The following PRDM5 variants were observed in gnomAD, a reference collection of about 807,000 sequenced individuals.
PRDM5 encodes the protein PR domain zinc finger protein 5.
PRDM5 carries 56 observed loss-of-function variants against 81.2 expected under a neutral mutation model. That is an observed-to-expected ratio of 0.69 (90% CI 0.56 to 0.86). The LOEUF is 0.86. Among genes scored for constraint, PRDM5 ranks in the 40% least tolerant of loss-of-function variants. PRDM5 has a pLI of 0.00. For missense variants in PRDM5, 697 were observed against 770.1 expected (o/e 0.91, Z 1.12); for synonymous variants, 267 against 256.4 (o/e 1.04, Z -0.39).
chr4:120,886,039 A>G (rs1382488667), intron 2 of PRDM5, among the ~76,000 whole-genome samples: 3 of 152,196 alleles, frequency 2.0e-5, no homozygotes, highest in Non-Finnish European at 4.4e-5. Context: ...AAAACACAGA[A>G]CTTCCAGAAG....
At chr4:120,835,552 G>T (rs1030520603) in intron 3 of PRDM5, among the ~76,000 whole-genome samples, 1 of 152,142 alleles carries the variant, frequency 6.6e-6, no homozygotes, top group African/African-American at 2.4e-5. Flanking sequence ...AGTCTTACAA[G>T]ATTTGATGGT....
chr4:120,802,172 A>G (rs994949565), intron 8 of PRDM5, among the ~76,000 whole-genome samples: 1 of 152,214 alleles, frequency 6.6e-6, no homozygotes, highest in African/African-American at 2.4e-5. Flanking sequence ...GGGAACATCG[A>G]CTATATATTT....
chr4:120,734,855 G>A (rs1288057853), intron 14 of PRDM5, among the ~76,000 whole-genome samples: 6 of 152,150 alleles, frequency 3.9e-5, no homozygotes, highest in Non-Finnish European at 8.8e-5. Context: ...CTTCCTATGT[G>A]CACATACAGC....
intron 14 of PRDM5, among the ~76,000 whole-genome samples, chr4:120,748,632 C>A (rs1743500470): frequency 6.7e-6 from 1 of 150,112 alleles, no homozygotes; most frequent in Non-Finnish European, 1.5e-5. Flanking sequence ...CAGAGCAAGA[C>A]CCTCTCTCTC....
At chr4:120,863,739 T>G (rs539813095) in intron 2 of PRDM5, among the ~76,000 whole-genome samples, 1 of 152,294 alleles carries the variant, frequency 6.6e-6, no homozygotes, top group South Asian at 2.1e-4. Flanking sequence ...TTATAAGAAA[T>G]TATTGCCTTA....
chr4:120,800,759 A>G (rs1406146806), intron 8 of PRDM5, among the ~76,000 whole-genome samples: 1 of 152,210 alleles, frequency 6.6e-6, no homozygotes, highest in Non-Finnish European at 1.5e-5. Context: ...GGATGCATTA[A>G]TTTATTTCAC....
rs1372295754 is a variant in PRDM5, at chr4:120,779,771, C to T, written c.1443+1372G>A. Among the ~76,000 whole-genome samples, 11 of 152,154 alleles carry T rather than the reference C, an allele frequency of 7.2e-5. No individual in the cohort carries two copies. In the East Asian group the frequency reaches 2.1e-3, roughly 29 times the overall value. On this transcript the variant is annotated intron_variant, in intron 12 of 15. Coordinates refer to ENST00000264808, the MANE Select transcript of PRDM5 (RefSeq NM_018699.4). ...ACAAAAAATTAGCCAGGCGTGGTAG[C>T]AGGCACCTATAATCCCAGCTACTTG...
intron 14 of PRDM5, among the ~76,000 whole-genome samples, chr4:120,744,555 GA>G (rs1186029063): frequency 1.3e-5 from 2 of 152,074 alleles, no homozygotes; most frequent in Non-Finnish European, 2.9e-5. Context: ...AAGAAAAAAA[GA>G]GAGAAGAATC....
intron 3 of PRDM5, chr4:120,837,569 C>T (rs1308119207): frequency 4.6e-5 from 7 of 152,112 alleles, no homozygotes; most frequent in African/African-American, 1.7e-4. Flanking sequence ...TGAAACCAAG[C>T]AGGTTATACT....
At chr4:120,755,618 C>T (rs921524898) in intron 13 of PRDM5, among the ~76,000 whole-genome samples, 1 of 152,154 alleles carries the variant, frequency 6.6e-6, no homozygotes, top group South Asian at 2.1e-4. Flanking sequence ...TGCATTATCC[C>T]AGTCAACTCT....
intron 14 of PRDM5, among the ~76,000 whole-genome samples, chr4:120,750,604 C>T (rs999255904): frequency 5.3e-5 from 8 of 151,994 alleles, no homozygotes; most frequent in African/African-American, 1.9e-4. Flanking sequence ...ATCACATTAA[C>T]GGCCTAGCAG....
chr4:120,922,043 A>T (rs893153227), intron 1 of PRDM5, among the ~76,000 whole-genome samples: 1 of 152,174 alleles, frequency 6.6e-6, no homozygotes, highest in African/African-American at 2.4e-5. Context: ...CCCCGCATGG[A>T]AAGTTAGGCG....
At chr4:120,749,761 C>T (rs932748891) in intron 14 of PRDM5, among the ~76,000 whole-genome samples, 3 of 152,174 alleles carry the variant, frequency 2.0e-5, no homozygotes, top group African/African-American at 4.8e-5. Flanking sequence ...TGGAGAGAGA[C>T]AGAACCTGAC....
intron 2 of PRDM5, among the ~76,000 whole-genome samples, chr4:120,877,622 T>C (rs539684976): frequency 3.3e-5 from 5 of 152,152 alleles, no homozygotes; most frequent in Admixed American, 1.3e-4. Context: ...CTGGCCAAGA[T>C]GGTGAAACCT....
At chr4:120,897,188 G>A (rs143933138) in intron 2 of PRDM5, 1 of 152,008 alleles carries the variant, frequency 6.6e-6, no homozygotes, top group African/African-American at 2.4e-5. Flanking sequence ...CAAAGAATCA[G>A]GTCACATTTG....
chr4:120,724,433 C>A (rs758215092), intron 14 of PRDM5, among the ~76,000 whole-genome samples: 4 of 152,120 alleles, frequency 2.6e-5, no homozygotes, highest in Non-Finnish European at 5.9e-5. Flanking sequence ...TACAAAGTAT[C>A]CTTGTCGATT....
At chr4:120,834,250 A>G (rs1757081993) in intron 3 of PRDM5, among the ~76,000 whole-genome samples, 1 of 152,130 alleles carries the variant, frequency 6.6e-6, no homozygotes, top group Admixed American at 6.5e-5. Flanking sequence ...CCCCAAATTC[A>G]TATGTTGAAA....
intron 2 of PRDM5, among the ~76,000 whole-genome samples, chr4:120,883,588 G>T (rs1341873094): frequency 1.6e-5 from 2 of 128,394 alleles, no homozygotes; most frequent in African/African-American, 3.3e-5. Context: ...GTTGTGGGGT[G>T]GGGGGAGGGG....
At chr4:120,859,771 T>A (rs1760350233) in intron 2 of PRDM5, among the ~76,000 whole-genome samples, 1 of 152,172 alleles carries the variant, frequency 6.6e-6, no homozygotes. Context: ...GAGTTTTAAT[T>A]TCTCTACCAT....
Sources: gnomAD v4.1 joint callset for allele counts (sites outside exome capture counted in the v4.1 genomes callset) on GRCh38, gnomAD v4.1.1 for gene constraint, MANE v1.5 for transcripts, NCBI Gene and HGNC (gene_info 2026-07-23, HGNC 2026-07-21) for gene names.